SEMA6D: variants seen among roughly 807,000 people sequenced by gnomAD.
The protein encoded by SEMA6D is semaphorin 6D, also known as semaphorin-6D.
SEMA6D carries 35 observed loss-of-function variants against 106.6 expected under a neutral mutation model. That is an observed-to-expected ratio of 0.33 (90% CI 0.25 to 0.44). The LOEUF (loss-of-function observed/expected upper bound fraction) is 0.44, where lower values mean the gene tolerates loss of function less well. SEMA6D is among the 20% of genes least tolerant of loss of function. The probability of loss-of-function intolerance (pLI) is 1.00; values close to 1 mark genes in which losing one functional copy is unlikely to be tolerated. For missense variants in SEMA6D, 1,185 were observed against 1,345.9 expected (o/e 0.88, Z 1.87); for synonymous variants, 499 against 487.7 (o/e 1.02, Z -0.31).
At chr15:47,198,870 T>C (rs1284435811) in intron 1 of SEMA6D, among the ~76,000 whole-genome samples, 1 of 152,186 alleles carries the variant, frequency 6.6e-6, no homozygotes, top group African/African-American at 2.4e-5. Context: ...AATATGTTTT[T>C]GTGCTTCTCT....
intron 3 of SEMA6D, among the ~76,000 whole-genome samples, chr15:47,483,563 C>T (rs2043213852): frequency 6.6e-6 from 1 of 152,092 alleles, no homozygotes; most frequent in Non-Finnish European, 1.5e-5. Flanking sequence ...GTTTATAGTC[C>T]ATTCAAATTT....
At chr15:47,715,678 T>C (rs2079097660), upstream of SEMA6D, among the ~76,000 whole-genome samples, 1 of 152,180 alleles carries the variant, frequency 6.6e-6, no homozygotes, top group African/African-American at 2.4e-5. Context: ...TTTTCCTGGA[T>C]TTAGGAACTC....
chr15:47,340,156 G>A (rs1273193700), intron 1 of SEMA6D, among the ~76,000 whole-genome samples: 3 of 152,186 alleles, frequency 2.0e-5, no homozygotes, highest in East Asian at 1.9e-4. Flanking sequence ...GCAGGGCTGC[G>A]TGGATGGAGC....
intron 2 of SEMA6D, among the ~76,000 whole-genome samples, chr15:47,456,283 A>G (rs961331208): frequency 1.3e-5 from 2 of 151,980 alleles, no homozygotes; most frequent in Admixed American, 1.3e-4. Flanking sequence ...AAAATTCAGG[A>G]GTCCATGAAC....
chr15:47,740,749 T>G (rs1418476443), intron 1 of SEMA6D, among the ~76,000 whole-genome samples: 1 of 152,086 alleles, frequency 6.6e-6, no homozygotes, highest in Non-Finnish European at 1.5e-5. Flanking sequence ...GTACCCAATA[T>G]ACTCTTTTCC....
chr15:47,604,506 C>T (rs925752549), intron 4 of SEMA6D, among the ~76,000 whole-genome samples: 2 of 152,108 alleles, frequency 1.3e-5, no homozygotes, highest in African/African-American at 4.8e-5. Flanking sequence ...AAGAAGTAGT[C>T]CAGGAGACGT....
upstream of SEMA6D, among the ~76,000 whole-genome samples, chr15:47,713,072 A>G (rs1016627469): frequency 9.9e-5 from 15 of 152,178 alleles, no homozygotes; most frequent in Non-Finnish European, 1.5e-4. Context: ...TTATGGAAAA[A>G]CAATATTTTT....
At chr15:47,323,617 A>C (rs1389951759) in intron 1 of SEMA6D, among the ~76,000 whole-genome samples, 1 of 152,128 alleles carries the variant, frequency 6.6e-6, no homozygotes, top group Non-Finnish European at 1.5e-5. Context: ...ATTCTATCTG[A>C]AACTGGCAGC....
chr15:47,667,880 G>A (rs1366120484), intron 4 of SEMA6D, among the ~76,000 whole-genome samples: 1 of 152,180 alleles, frequency 6.6e-6, no homozygotes, highest in African/African-American at 2.4e-5. Flanking sequence ...GTAAACTGGA[G>A]CACTGATGCA....
At chr15:47,217,842 A>C (rs935087054) in intron 1 of SEMA6D, among the ~76,000 whole-genome samples, 1 of 147,206 alleles carries the variant, frequency 6.8e-6, no homozygotes, top group African/African-American at 2.5e-5. Context: ...GCATATACAC[A>C]CACCCCTGCT....
At chr15:47,477,221 C>T (rs574031315) in intron 3 of SEMA6D, among the ~76,000 whole-genome samples, 7 of 152,244 alleles carry the variant, frequency 4.6e-5, no homozygotes, top group African/African-American at 1.7e-4. Context: ...TGAACTCTTG[C>T]TGGAGTCTGC....
chr15:47,686,024 T>C (rs1213778288), intron 4 of SEMA6D, among the ~76,000 whole-genome samples: 1 of 152,162 alleles, frequency 6.6e-6, no homozygotes, highest in South Asian at 2.1e-4. Context: ...AATTAAAACA[T>C]TGCAGACATT....
intron 1 of SEMA6D, among the ~76,000 whole-genome samples, chr15:47,329,549 A>G (rs1274213262): frequency 6.6e-6 from 1 of 152,240 alleles, no homozygotes; most frequent in Non-Finnish European, 1.5e-5. Context: ...ATTGGGATTT[A>G]CTTTAATAAT....
At chr15:47,460,012 G>C (rs2042456022) in intron 2 of SEMA6D, among the ~76,000 whole-genome samples, 1 of 151,714 alleles carries the variant, frequency 6.6e-6, no homozygotes, top group African/African-American at 2.4e-5. Context: ...CCCAAGTCAG[G>C]GAGTTTCAAA....
intron 1 of SEMA6D, among the ~76,000 whole-genome samples, chr15:47,361,714 G>A (rs761489918): frequency 2.0e-5 from 3 of 152,090 alleles, no homozygotes; most frequent in Non-Finnish European, 2.9e-5. Flanking sequence ...TGCCTCCCTC[G>A]CACATGCTCT....
chr15:47,648,303 T>A (rs1304668014), intron 4 of SEMA6D, among the ~76,000 whole-genome samples: 1 of 152,170 alleles, frequency 6.6e-6, no homozygotes, highest in Admixed American at 6.5e-5. Flanking sequence ...CCTAAAGATG[T>A]GCATGTTAGG....
intron 4 of SEMA6D, among the ~76,000 whole-genome samples, chr15:47,607,182 T>C (rs2076798798): frequency 6.6e-6 from 1 of 152,216 alleles, no homozygotes; most frequent in Non-Finnish European, 1.5e-5. Context: ...TACATTTCTT[T>C]TTAAAAAGAA....
intron 3 of SEMA6D, among the ~76,000 whole-genome samples, chr15:47,580,986 C>T (rs2076245213): frequency 6.6e-6 from 1 of 152,156 alleles, no homozygotes; most frequent in Admixed American, 6.5e-5. Context: ...TTCCTCAGTT[C>T]TCCATGTTGT....
chr15:47,576,311 A>G (rs2076155852), intron 3 of SEMA6D, among the ~76,000 whole-genome samples: 1 of 152,212 alleles, frequency 6.6e-6, no homozygotes, highest in South Asian at 2.1e-4. Context: ...TTCCCATCAC[A>G]GGTAAAGGAG....
Sources: allele counts gnomAD v4.1 joint callset (sites outside exome capture counted in the v4.1 genomes callset), GRCh38; gene constraint gnomAD v4.1.1; transcripts MANE v1.5; gene names NCBI Gene and HGNC (gene_info 2026-07-23, HGNC 2026-07-21).